Variants in SAMD5 observed in about 807,000 individuals in gnomAD.
SAMD5 encodes sterile alpha motif domain-containing protein 5.
In SAMD5, 13 loss-of-function variants were observed where a neutral mutation model predicts 11.3. That is an observed-to-expected ratio of 1.15 (90% CI 0.75 to 1.83). The LOEUF (loss-of-function observed/expected upper bound fraction) is 1.83. Ranked by LOEUF, SAMD5 falls within the 40% of genes most tolerant of loss-of-function variation. SAMD5 has a pLI of 0.00. For synonymous variants in SAMD5, 129 were observed against 111.3 expected (o/e 1.16, Z -1.00); for missense variants, 255 against 239.1 (o/e 1.07, Z -0.44).
At chr6:147,515,431 A>AT in intron 1 of SAMD5, among the ~76,000 whole-genome samples, 1 of 148,766 alleles carries the variant, frequency 6.7e-6, no homozygotes, top group East Asian at 2.0e-4. Context: ...CTTCCATCCA[A>AT]CCATCCATCC....
chr6:147,804,472 A>G, the SAMD5 span, among the ~76,000 whole-genome samples: 1 of 152,078 alleles, frequency 6.6e-6, no homozygotes, highest in African/African-American at 2.4e-5. Flanking sequence ...AGTCCTCCCC[A>G]TCTTTGCTGT....
chr6:147,782,031 G>T, the SAMD5 span, among the ~76,000 whole-genome samples: 2 of 151,478 alleles, frequency 1.3e-5, no homozygotes, highest in African/African-American at 4.9e-5. Flanking sequence ...TTACCAAAGC[G>T]TATGTATGTT....
the SAMD5 span, among the ~76,000 whole-genome samples, chr6:147,899,170 C>CAAAA: frequency 1.3e-4 from 8 of 62,600 alleles, no homozygotes; most frequent in South Asian, 6.1e-4. Flanking sequence ...GACTCTGTCT[C>CAAAA]AAAAAAAAAA....
chr6:147,603,550 C>T (rs1489651199), intron 1 of SAMD5, among the ~76,000 whole-genome samples: 1 of 152,128 alleles, frequency 6.6e-6, no homozygotes, highest in Non-Finnish European at 1.5e-5. Context: ...AAGAATGTGA[C>T]AGCCTCTCAG....
At chr6:147,570,295 G>A (rs1298046801), downstream of SAMD5, among the ~76,000 whole-genome samples, 1 of 152,150 alleles carries the variant, frequency 6.6e-6, no homozygotes, top group Non-Finnish European at 1.5e-5. Context: ...GCCAGTCATG[G>A]TGGCTCACCG....
At chr6:147,825,332 T>C in the SAMD5 span, among the ~76,000 whole-genome samples, 4 of 152,068 alleles carry the variant, frequency 2.6e-5, no homozygotes, top group Admixed American at 2.0e-4. Context: ...AAAACTTAGC[T>C]CCATGTGGTC....
chr6:147,646,895 T>TG (rs1180045048), intron 1 of SAMD5, among the ~76,000 whole-genome samples: 10 of 151,206 alleles, frequency 6.6e-5, no homozygotes, highest in African/African-American at 2.4e-4. Context: ...CCCAGTACTT[T>TG]GGGAGGCCAA....
the SAMD5 span, among the ~76,000 whole-genome samples, chr6:147,909,614 T>C: frequency 1.1e-3 from 83 of 77,226 alleles, 1 homozygote; most frequent in African/African-American, 5.4e-3. Flanking sequence ...CTTTCTTTCT[T>C]TCTTTCTTTC....
the SAMD5 span, among the ~76,000 whole-genome samples, chr6:147,892,923 T>C: frequency 6.6e-6 from 1 of 152,168 alleles, no homozygotes; most frequent in South Asian, 2.1e-4. Context: ...TTAAAAGTAT[T>C]CAGTATGGGC....
At chr6:147,918,034 G>A in the SAMD5 span, among the ~76,000 whole-genome samples, 7 of 152,186 alleles carry the variant, frequency 4.6e-5, no homozygotes, top group East Asian at 1.9e-4. Context: ...TTGTCTTGGC[G>A]ATGAGGGCTC....
the SAMD5 span, among the ~76,000 whole-genome samples, chr6:147,866,125 C>G: frequency 1.3e-5 from 2 of 150,736 alleles, no homozygotes; most frequent in Non-Finnish European, 3.0e-5. Flanking sequence ...TTTTTTTTCC[C>G]GATAAACTAC....
chr6:147,696,184 G>A (rs769829351), intron 1 of SAMD5, among the ~76,000 whole-genome samples: 5 of 151,992 alleles, frequency 3.3e-5, no homozygotes, highest in South Asian at 2.1e-4. Context: ...ATGATCCCTG[G>A]TACCCCACTT....
chr6:147,599,458 T>G (rs1371106538), intron 1 of SAMD5, among the ~76,000 whole-genome samples: 2 of 152,232 alleles, frequency 1.3e-5, no homozygotes, highest in African/African-American at 4.8e-5. Context: ...TCTAATCTAA[T>G]CTAGCCATAG....
the SAMD5 span, among the ~76,000 whole-genome samples, chr6:147,917,620 G>A: frequency 6.6e-6 from 1 of 152,094 alleles, no homozygotes; most frequent in Non-Finnish European, 1.5e-5. Context: ...TTTTAGACAT[G>A]AAGACCTTGC....
the SAMD5 span, among the ~76,000 whole-genome samples, chr6:147,954,530 T>C: frequency 6.6e-6 from 1 of 152,208 alleles, no homozygotes; most frequent in Non-Finnish European, 1.5e-5. Context: ...TGTACGCTAA[T>C]GTCCTAGGCC....
At chr6:147,631,835 G>A (rs181930617) in intron 1 of SAMD5, among the ~76,000 whole-genome samples, 3 of 152,296 alleles carry the variant, frequency 2.0e-5, no homozygotes, top group South Asian at 4.1e-4. Flanking sequence ...TAGTGGAATA[G>A]CAGATGGAAC....
At chr6:147,550,637 T>C (rs1330399015) in intron 1 of SAMD5, among the ~76,000 whole-genome samples, 1 of 152,128 alleles carries the variant, frequency 6.6e-6, no homozygotes, top group Non-Finnish European at 1.5e-5. Context: ...TTATGTTAAG[T>C]TAAACTATTC....
chr6:147,947,769 C>G, the SAMD5 span, among the ~76,000 whole-genome samples: 2 of 152,074 alleles, frequency 1.3e-5, no homozygotes, highest in Non-Finnish European at 2.9e-5. Context: ...TGAAAACTTG[C>G]CTTCCATAAA....
intron 1 of SAMD5, among the ~76,000 whole-genome samples, chr6:147,598,017 C>T (rs760829106): frequency 4.6e-5 from 7 of 152,192 alleles, no homozygotes; most frequent in Non-Finnish European, 1.0e-4. Flanking sequence ...ATCATGCAGG[C>T]CCTCCAGGCA....
Sources: allele counts gnomAD v4.1 joint callset (sites outside exome capture counted in the v4.1 genomes callset), GRCh38; gene constraint gnomAD v4.1.1; transcripts MANE v1.5; gene names NCBI Gene and HGNC (gene_info 2026-07-23, HGNC 2026-07-21).